Variants in CACNB4 observed in about 807,000 individuals in gnomAD.
CACNB4 encodes the protein voltage-dependent L-type calcium channel subunit beta-4.
In CACNB4, 32 loss-of-function variants were observed where a neutral mutation model predicts 71.2. The ratio of observed to expected loss-of-function variants is 0.45; its 90% CI spans 0.34 to 0.60. The LOEUF (loss-of-function observed/expected upper bound fraction) is 0.60, where lower values mean the gene tolerates loss of function less well. CACNB4 is among the 20% of genes least tolerant of loss of function. CACNB4 has a pLI of 0.01. For synonymous variants in CACNB4, 231 were observed against 236.9 expected, an observed-to-expected ratio of 0.97 and a Z score of 0.23; for missense variants, 464 against 647.9, an observed-to-expected ratio of 0.72 and a Z score of 3.08.
At chr2:151,902,477 A>G (rs1372145519) in intron 2 of CACNB4, among the ~76,000 whole-genome samples, 1 of 152,230 alleles carries the variant, frequency 6.6e-6, no homozygotes, top group Non-Finnish European at 1.5e-5. Context: ...GAGTCTACTT[A>G]TACCTAAACA....
At chr2:152,088,940 G>A (rs1344495202) in intron 2 of CACNB4, among the ~76,000 whole-genome samples, 1 of 152,234 alleles carries the variant, frequency 6.6e-6, no homozygotes, top group Non-Finnish European at 1.5e-5. Context: ...AAGGCAGGGT[G>A]CCCTAGCACA....
At chr2:151,924,152 C>T (rs1365609322) in intron 2 of CACNB4, among the ~76,000 whole-genome samples, 1 of 133,996 alleles carries the variant, frequency 7.5e-6, no homozygotes, top group Non-Finnish European at 1.6e-5. Flanking sequence ...AATCTCGGCT[C>T]ACTGCTAGCT....
intron 2 of CACNB4, among the ~76,000 whole-genome samples, chr2:151,953,486 A>G (rs1158679628): frequency 6.6e-6 from 1 of 152,208 alleles, no homozygotes; most frequent in African/African-American, 2.4e-5. Context: ...ATGACCCTGG[A>G]CGAATCATAT....
Position 151,860,724 on chromosome 2 carries a change from G to A in CACNB4, c.855C>T (p.Thr285=). Residue 285 remains threonine, a synonymous_variant, in exon 10 of 14, where the codon ACC becomes ACT. Transcript: ENST00000539935. ...SKRAIIERSN[T]RSSLAEVQSE... is the part of the protein sequence containing the mutation. Reference sequence around the variant, plus strand: ...TGAACATCTTACCTAAGCTGGACCGGGTGTTCGAACGTTCAATTATTGCTC... The same window carrying A: ...TGAACATCTTACCTAAGCTGGACCGAGTGTTCGAACGTTCAATTATTGCTC... 1 of 1,610,774 alleles carries A rather than the reference G, an allele frequency of 6.2e-7. No individual in the cohort carries two copies. The highest frequency in any genetic ancestry group is 8.5e-7 in the Non-Finnish European group (1 of 1,176,974).
chr2:151,891,245 T>C (rs1030456928), intron 2 of CACNB4, among the ~76,000 whole-genome samples: 4 of 152,048 alleles, frequency 2.6e-5, no homozygotes, highest in Non-Finnish European at 5.9e-5. Flanking sequence ...AGGAGACCCA[T>C]GAATGGAGAT....
chr2:151,869,094 T>C, intron 9 of CACNB4, 83 bp downstream of exon 9: 1 of 816,626 alleles, frequency 1.2e-6, no homozygotes, highest in Non-Finnish European at 2.1e-6. Flanking sequence ...CTGAAATCTC[T>C]GGAAACATAG....
At chr2:151,995,532 C>A (rs1681991299) in intron 2 of CACNB4, among the ~76,000 whole-genome samples, 1 of 152,094 alleles carries the variant, frequency 6.6e-6, no homozygotes, top group Non-Finnish European at 1.5e-5. Flanking sequence ...ACAGTGAAAC[C>A]CCGTCTCTAC....
chr2:152,075,432 C>T (rs1391519801), intron 2 of CACNB4, among the ~76,000 whole-genome samples: 1 of 152,142 alleles, frequency 6.6e-6, no homozygotes, highest in Non-Finnish European at 1.5e-5. Context: ...ACAAATCCTG[C>T]CCAGGAGTGT....
intron 2 of CACNB4, among the ~76,000 whole-genome samples, chr2:152,076,777 C>T (rs1687055335): frequency 6.6e-6 from 1 of 152,156 alleles, no homozygotes; most frequent in African/African-American, 2.4e-5. Flanking sequence ...ATTTACTAAA[C>T]TTATATGGCG....
At chr2:151,915,062 C>T (rs2099857103) in intron 2 of CACNB4, among the ~76,000 whole-genome samples, 1 of 152,182 alleles carries the variant, frequency 6.6e-6, no homozygotes. Flanking sequence ...CCAGATTCCT[C>T]AGAACTACCA....
chr2:151,859,466 T>C (rs1183592852), intron 10 of CACNB4: 1 of 152,208 alleles, frequency 6.6e-6, no homozygotes, highest in Non-Finnish European at 1.5e-5. Flanking sequence ...GAGCAGAGAA[T>C]TGATGTTTGT....
chr2:151,989,168 A>T (rs996541618), intron 2 of CACNB4, among the ~76,000 whole-genome samples: 3 of 152,120 alleles, frequency 2.0e-5, no homozygotes, highest in African/African-American at 7.2e-5. Context: ...TGCTCTCTTG[A>T]CTATAACTTC....
At chr2:152,084,900 C>T (rs1307150811) in intron 2 of CACNB4, among the ~76,000 whole-genome samples, 1 of 152,024 alleles carries the variant, frequency 6.6e-6, no homozygotes, top group Non-Finnish European at 1.5e-5. Flanking sequence ...GCTGGGATTA[C>T]AGGCGTGATT....
intron 2 of CACNB4, among the ~76,000 whole-genome samples, chr2:151,993,883 A>T (rs1681875617): frequency 6.8e-6 from 1 of 147,926 alleles, no homozygotes; most frequent in African/African-American, 2.5e-5. Context: ...TTTAAAGTTG[A>T]AAAAGTGGCC....
rs780623788 is a variant in CACNB4, at chr2:151,855,236, G to C, written c.1008C>G (p.Val336=). The C allele has an allele frequency of 6.5e-7, 1 of 1,533,564 alleles. No homozygotes were observed. The highest frequency in any genetic ancestry group is 8.9e-7 in the Non-Finnish European group (1 of 1,122,812). The allele number at this position is 1,533,564 out of a possible 1,614,324, so 95.0% of individuals were successfully genotyped here. The change falls in exon 11 of 14, where the codon GTC becomes GTG. Residue 336 remains valine (V), a synonymous_variant. Transcript: ENST00000539935. ...SLAPIIVHVK[V]SSPKVLQRLI... is the part of the protein sequence containing the mutation. ...AGGAGCTAATTACCTTTGGAGATGA[G>C]ACTTTTACATGAACAATAATTGGTG... is the stretch of plus-strand genomic sequence containing the variant.
At chr2:151,915,476 A>G (rs2099857227) in intron 2 of CACNB4, among the ~76,000 whole-genome samples, 1 of 152,218 alleles carries the variant, frequency 6.6e-6, no homozygotes, top group Non-Finnish European at 1.5e-5. Context: ...GCAGGCAGCC[A>G]CAGTGGGTGC....
At chr2:151,950,466 C>G (rs1239855343) in intron 2 of CACNB4, among the ~76,000 whole-genome samples, 4 of 152,182 alleles carry the variant, frequency 2.6e-5, no homozygotes, top group Non-Finnish European at 5.9e-5. Flanking sequence ...CACTTGACTC[C>G]TAGGTATATC....
intron 2 of CACNB4, among the ~76,000 whole-genome samples, chr2:151,904,710 T>C (rs1324695596): frequency 3.9e-5 from 6 of 152,124 alleles, no homozygotes; most frequent in East Asian, 1.9e-4. Context: ...AATTTATGTA[T>C]TTTTAGTAGA....
At chr2:151,961,718 C>T (rs1327663790) in intron 2 of CACNB4, among the ~76,000 whole-genome samples, 2 of 152,104 alleles carry the variant, frequency 1.3e-5, no homozygotes, top group South Asian at 2.1e-4. Flanking sequence ...CAGTGAGACC[C>T]TACCTCTACA....
Sources: allele counts gnomAD v4.1 joint callset (sites outside exome capture counted in the v4.1 genomes callset), GRCh38; gene constraint gnomAD v4.1.1; transcripts MANE v1.5; gene names NCBI Gene and HGNC (gene_info 2026-07-23, HGNC 2026-07-21).